The following CTDSPL2 variants were observed in gnomAD, a reference collection of about 807,000 sequenced individuals.
The protein encoded by CTDSPL2 is CTD small phosphatase like 2, also known as CTD small phosphatase-like protein 2.
In CTDSPL2, 5 loss-of-function variants were observed where a neutral mutation model predicts 60.0. The observed-to-expected ratio is 0.08, with a 90% CI of 0.04 to 0.18. The LOEUF (loss-of-function observed/expected upper bound fraction) is 0.18, where lower values mean the gene tolerates loss of function less well. CTDSPL2 is among the 10% of genes least tolerant of loss of function. The pLI, the probability that CTDSPL2 is intolerant of heterozygous loss-of-function variation, is 1.00. For synonymous variants in CTDSPL2, 186 were observed against 189.3 expected (o/e 0.98, Z 0.14); for missense variants, 370 against 548.8 (o/e 0.67, Z 3.26).
intron 7 of CTDSPL2, 89 bp from the exon 8 acceptor site, chr15:44,499,638 C>G: frequency 1.4e-6 from 1 of 726,554 alleles, no homozygotes. Flanking sequence ...TGAATGGGTG[C>G]TTTAGTGTTT....
At chr15:44,476,132 G>A (rs555272731) in intron 2 of CTDSPL2, among the ~76,000 whole-genome samples, 14 of 152,116 alleles carry the variant, frequency 9.2e-5, no homozygotes, top group Middle Eastern at 3.4e-3. Flanking sequence ...GCAGTGGCAC[G>A]ATCTCGGCTC....
intron 2 of CTDSPL2, among the ~76,000 whole-genome samples, chr15:44,471,314 C>T (rs569153344): frequency 6.6e-6 from 1 of 152,226 alleles, no homozygotes; most frequent in South Asian, 2.1e-4. Flanking sequence ...ATTGATATTG[C>T]TGGATCATAA....
intron 2 of CTDSPL2, among the ~76,000 whole-genome samples, chr15:44,473,835 G>A (rs1044013627): frequency 3.3e-5 from 5 of 152,290 alleles, no homozygotes; most frequent in African/African-American, 4.8e-5. Context: ...ATTCTTACCA[G>A]TATTTGATAT....
At position 44,524,366 on chromosome 15, in the gene CTDSPL2, A is replaced by T; in HGVS notation, c.*192A>T. The T allele has an allele frequency of 1.8e-6, 1 of 568,556 alleles. No homozygotes were observed. The highest frequency in any genetic ancestry group is 3.1e-6 in the Non-Finnish European group (1 of 319,950). The allele number at this position is 568,556 out of a possible 1,614,324, so 35.2% of individuals were successfully genotyped here. ...CTATCTCAGATCGAATACATATAGT[A>T]GGTAGGCTAAAACAGAAGAGTCTTT... On this transcript the variant is annotated 3_prime_UTR_variant, in exon 13 of 13. Transcript: ENST00000260327.
intron 8 of CTDSPL2, among the ~76,000 whole-genome samples, chr15:44,507,285 A>C (rs946520839): frequency 6.7e-6 from 1 of 149,354 alleles, no homozygotes; most frequent in South Asian, 2.1e-4. Context: ...GGGTTTCACC[A>C]TGTTGGCCAG....
At chr15:44,440,344 C>T (rs2080059661) in intron 1 of CTDSPL2, among the ~76,000 whole-genome samples, 2 of 151,770 alleles carry the variant, frequency 1.3e-5, no homozygotes, top group East Asian at 1.9e-4. Context: ...TACAGGTGCG[C>T]ACCACCATGC....
chr15:44,474,670 A>G (rs1333224163), intron 2 of CTDSPL2, among the ~76,000 whole-genome samples: 1 of 152,128 alleles, frequency 6.6e-6, no homozygotes, highest in Non-Finnish European at 1.5e-5. Context: ...AGCCTGGCCA[A>G]CATAGTGAAA....
intron 2 of CTDSPL2, among the ~76,000 whole-genome samples, chr15:44,482,099 C>T (rs906737366): frequency 5.3e-5 from 8 of 152,160 alleles, no homozygotes; most frequent in Non-Finnish European, 7.4e-5. Context: ...TTCCAGCCCT[C>T]TTAGCTGCCT....
intron 1 of CTDSPL2, among the ~76,000 whole-genome samples, chr15:44,440,157 G>A (rs2080054842): frequency 6.6e-6 from 1 of 151,404 alleles, no homozygotes; most frequent in Non-Finnish European, 1.5e-5. Context: ...AAATTATTGA[G>A]TGTACAGGCA....
intron 1 of CTDSPL2, among the ~76,000 whole-genome samples, chr15:44,441,034 C>T (rs1415563138): frequency 1.3e-5 from 2 of 152,196 alleles, no homozygotes; most frequent in Non-Finnish European, 2.9e-5. Context: ...GCCTTGGCCT[C>T]ATGAGTGGGA....
At chr15:44,429,301 G>GTAC (rs996173502) in intron 1 of CTDSPL2, among the ~76,000 whole-genome samples, 18 of 152,154 alleles carry the variant, frequency 1.2e-4, no homozygotes, top group Non-Finnish European at 2.5e-4. Flanking sequence ...TGGAGGTACA[G>GTAC]GCACGTTAAC....
chr15:44,436,277 G>A (rs895415895), intron 1 of CTDSPL2, among the ~76,000 whole-genome samples: 8 of 152,146 alleles, frequency 5.3e-5, no homozygotes, highest in African/African-American at 1.9e-4. Flanking sequence ...TTTTAGAGCT[G>A]GAGGAGACCA....
chr15:44,473,404 T>G (rs1595733887), intron 2 of CTDSPL2, among the ~76,000 whole-genome samples: 1 of 152,114 alleles, frequency 6.6e-6, no homozygotes, highest in East Asian at 1.9e-4. Flanking sequence ...CACGCCATTC[T>G]CCTGCCTCAG....
intron 4 of CTDSPL2, among the ~76,000 whole-genome samples, chr15:44,489,084 C>A (rs1018427059): frequency 6.6e-6 from 1 of 151,992 alleles, no homozygotes; most frequent in African/African-American, 2.4e-5. Context: ...TCTCTCTCCC[C>A]ACCCCATACA....
At chr15:44,484,686 G>A (rs1418833920) in intron 3 of CTDSPL2, among the ~76,000 whole-genome samples, 1 of 152,212 alleles carries the variant, frequency 6.6e-6, no homozygotes, top group Non-Finnish European at 1.5e-5. Flanking sequence ...GTTGCAGTAA[G>A]CTGAGATTGT....
At chr15:44,515,797 C>G (rs1402384764) in intron 10 of CTDSPL2, among the ~76,000 whole-genome samples, 1 of 152,014 alleles carries the variant, frequency 6.6e-6, no homozygotes, top group Non-Finnish European at 1.5e-5. Context: ...CGCTTGAACC[C>G]GGAAGGCGGA....
At chr15:44,443,512 C>T (rs2080135480) in intron 1 of CTDSPL2, among the ~76,000 whole-genome samples, 1 of 152,174 alleles carries the variant, frequency 6.6e-6, no homozygotes, top group South Asian at 2.1e-4. Flanking sequence ...ATTTTACATT[C>T]TCTACAGTAA....
intron 11 of CTDSPL2, 122 bp downstream of exon 11, chr15:44,519,417 G>A (rs970890334): frequency 1.0e-5 from 9 of 885,086 alleles, no homozygotes; most frequent in Non-Finnish European, 1.5e-5. Flanking sequence ...TCCCTTTAAT[G>A]TGTCATTTTT....
intron 2 of CTDSPL2, among the ~76,000 whole-genome samples, chr15:44,482,034 A>C (rs780765454): frequency 4.0e-4 from 61 of 152,108 alleles, no homozygotes; most frequent in Non-Finnish European, 7.4e-4. Flanking sequence ...CTTTTCCCAT[A>C]AGCCCGTTTC....
Sources: gnomAD v4.1 joint callset for allele counts (sites outside exome capture counted in the v4.1 genomes callset) on GRCh38, gnomAD v4.1.1 for gene constraint, MANE v1.5 for transcripts, NCBI Gene and HGNC (gene_info 2026-07-23, HGNC 2026-07-21) for gene names.